The following DAB1 variants were observed in gnomAD, a reference collection of about 807,000 sequenced individuals.
DAB1 encodes disabled homolog 1.
Under a neutral mutation model 64.6 loss-of-function variants are expected in DAB1, and 15 were observed. The ratio of observed to expected loss-of-function variants is 0.23; its 90% CI spans 0.16 to 0.36. The LOEUF (loss-of-function observed/expected upper bound fraction) is 0.36. DAB1 is among the 10% of genes least tolerant of loss of function. DAB1 has a pLI of 1.00. For synonymous variants in DAB1, 235 were observed against 251.9 expected, an observed-to-expected ratio of 0.93 and a Z score of 0.64; for missense variants, 596 against 706.7, an observed-to-expected ratio of 0.84 and a Z score of 1.78.
At chr1:58,230,754 C>A (rs965964639) in intron 4 of DAB1, among the ~76,000 whole-genome samples, 2 of 152,130 alleles carry the variant, frequency 1.3e-5, no homozygotes, top group Non-Finnish European at 2.9e-5. Flanking sequence ...TTTATTAATC[C>A]TAGGTTGTGC....
intron 2 of DAB1, 94 bp from the exon 3 acceptor site, chr1:57,145,523 C>T (rs1659038083): frequency 1.5e-6 from 2 of 1,359,184 alleles, no homozygotes; most frequent in Admixed American, 1.9e-5. Flanking sequence ...CTGGTTTCAT[C>T]TACATTCCCG....
At chr1:57,867,961 G>A (rs1449856291) in intron 1 of DAB1, among the ~76,000 whole-genome samples, 1 of 152,132 alleles carries the variant, frequency 6.6e-6, no homozygotes, top group Non-Finnish European at 1.5e-5. Flanking sequence ...AAGTGGACTT[G>A]CATTTTCAAA....
At position 57,695,361 on chromosome 1, in the gene DAB1, G is replaced by GGAAGGA. The variant is rs1646820519; in HGVS notation, n.552-45697_552-45696insTCCTTC. On this transcript the variant is annotated intron_variant and non_coding_transcript_variant, in intron 6 of 20. Transcript: ENST00000485760. ...GAAAGAAAGAAAGAAAGAAAAGAAA[G>GGAAGGA]AAGAAAGAAAGAAAGAAAGAAAGAA... Among the ~76,000 whole-genome samples the GGAAGGA allele has an allele frequency of 6.0e-4, 41 of 68,664 alleles. 1 individual carries two copies. The highest frequency in any genetic ancestry group is 2.1e-3 in the African/African-American group (39 of 19,018). 45.0% of individuals were successfully genotyped at this position (68,664 alleles called of 152,430 possible). A position where few individuals can be genotyped will look rare whatever the true frequency, so the allele number is the denominator to read the frequency against.
intron 6 of DAB1, among the ~76,000 whole-genome samples, chr1:57,712,775 A>G (rs1230129424): frequency 1.3e-5 from 2 of 152,130 alleles, no homozygotes; most frequent in Non-Finnish European, 2.9e-5. Context: ...AGATACAGAA[A>G]CTTAAGACCC....
At chr1:57,099,081 T>C (rs936139960) in intron 4 of DAB1, among the ~76,000 whole-genome samples, 2 of 152,230 alleles carry the variant, frequency 1.3e-5, no homozygotes, top group African/African-American at 2.4e-5. Context: ...GCTCTGGGTC[T>C]AGACAAATGA....
chr1:57,542,113 T>C (rs1448892340), intron 7 of DAB1, among the ~76,000 whole-genome samples: 1 of 152,128 alleles, frequency 6.6e-6, no homozygotes, highest in Non-Finnish European at 1.5e-5. Flanking sequence ...GAAAAATGTA[T>C]GTGATTAAAT....
At chr1:57,858,945 T>C (rs1398702275) in intron 1 of DAB1, among the ~76,000 whole-genome samples, 1 of 152,028 alleles carries the variant, frequency 6.6e-6, no homozygotes, top group Non-Finnish European at 1.5e-5. Flanking sequence ...GAATGCAGAC[T>C]TGCCATTGGT....
At chr1:57,839,447 T>TA (rs1389273172) in intron 1 of DAB1, among the ~76,000 whole-genome samples, 1 of 152,250 alleles carries the variant, frequency 6.6e-6, no homozygotes, top group Non-Finnish European at 1.5e-5. Context: ...ACTGTATTTA[T>TA]AATTAGTATT....
chr1:57,374,949 T>C (rs1680782139), intron 1 of DAB1, among the ~76,000 whole-genome samples: 1 of 152,180 alleles, frequency 6.6e-6, no homozygotes, highest in South Asian at 2.1e-4. Flanking sequence ...CATTTTGTAA[T>C]GGCTGGTCCT....
intron 5 of DAB1, chr1:58,049,080 G>A (rs757607614): frequency 2.9e-5 from 23 of 790,844 alleles, no homozygotes; most frequent in Non-Finnish European, 4.5e-5. Context: ...TGCATTTGTG[G>A]CTGCATCCAC....
intron 7 of DAB1, among the ~76,000 whole-genome samples, chr1:57,548,975 C>T (rs1411971275): frequency 6.6e-6 from 1 of 152,182 alleles, no homozygotes; most frequent in Non-Finnish European, 1.5e-5. Context: ...GCACCGAAAG[C>T]TTTAATAACA....
intron 4 of DAB1, among the ~76,000 whole-genome samples, chr1:58,216,399 T>C (rs1446294419): frequency 6.6e-6 from 1 of 152,214 alleles, no homozygotes; most frequent in Non-Finnish European, 1.5e-5. Flanking sequence ...ATGGTGAATA[T>C]GTGCCACATT....
At chr1:57,425,270 G>C (rs1347445448), upstream of DAB1, among the ~76,000 whole-genome samples, 1 of 152,100 alleles carries the variant, frequency 6.6e-6, no homozygotes, top group Non-Finnish European at 1.5e-5. Flanking sequence ...AAAGTTTACC[G>C]TTACTCTTTT....
chr1:57,731,763 T>C (rs1451833548), intron 6 of DAB1, among the ~76,000 whole-genome samples: 1 of 151,074 alleles, frequency 6.6e-6, no homozygotes, highest in Non-Finnish European at 1.5e-5. Context: ...CGAGATCACA[T>C]CACTGCACTC....
chr1:57,365,741 A>G (rs1289251629), intron 1 of DAB1, among the ~76,000 whole-genome samples: 1 of 152,096 alleles, frequency 6.6e-6, no homozygotes, highest in East Asian at 1.9e-4. Context: ...CTCTCCCCAC[A>G]CTACAAAGAG....
At chr1:58,545,086 C>T (rs1174819804) in intron 1 of DAB1, among the ~76,000 whole-genome samples, 1 of 152,090 alleles carries the variant, frequency 6.6e-6, no homozygotes, top group Non-Finnish European at 1.5e-5. Flanking sequence ...GCGAACCAGG[C>T]CCTCCTACTA....
chr1:57,100,752 G>C (rs1288136531), intron 4 of DAB1, among the ~76,000 whole-genome samples: 2 of 146,962 alleles, frequency 1.4e-5, no homozygotes, highest in Non-Finnish European at 3.0e-5. Context: ...AGCTCGCCAA[G>C]CTGGGGTGGG....
In DAB1 at chr1:57,977,582, T is replaced by C. The variant is rs190501248; in HGVS notation, n.388-93420A>G. ...AACACTAAGAATAGAATTTGGCACA[T>C]AGTGAACACTCAGTTAGCAATGGAG... On this transcript the variant is annotated intron_variant and non_coding_transcript_variant, in intron 5 of 20. Transcript: ENST00000485760. 2.6e-5 allele frequency among the ~76,000 whole-genome samples: 4 copies of C among 152,280 alleles called. No individual in the cohort carries two copies. The East Asian group carries it at 7.7e-4, about 29-fold the overall frequency.
chr1:58,065,087 T>C (rs755650523), intron 5 of DAB1, among the ~76,000 whole-genome samples: 3 of 152,202 alleles, frequency 2.0e-5, no homozygotes, highest in Non-Finnish European at 4.4e-5. Context: ...TATTATCTCA[T>C]TTTATCCTCA....
Sources: allele counts gnomAD v4.1 joint callset (sites outside exome capture counted in the v4.1 genomes callset), GRCh38; gene constraint gnomAD v4.1.1; transcripts MANE v1.5; gene names NCBI Gene and HGNC (gene_info 2026-07-23, HGNC 2026-07-21).